PCDH10: variants seen among roughly 807,000 people sequenced by gnomAD.
PCDH10 encodes the protein protocadherin-10.
Under a neutral mutation model 74.4 loss-of-function variants are expected in PCDH10, and 15 were observed. That is an observed-to-expected ratio of 0.20 (90% CI 0.13 to 0.31). The LOEUF (loss-of-function observed/expected upper bound fraction) is 0.31, where lower values mean the gene tolerates loss of function less well. PCDH10 is among the 10% of genes least tolerant of loss of function. The pLI is 1.00. For missense variants in PCDH10, 1,260 were observed against 1,390.2 expected (o/e 0.91, Z 1.49); for synonymous variants, 619 against 589.8 (o/e 1.05, Z -0.72).
downstream of PCDH10, among the ~76,000 whole-genome samples, chr4:133,199,324 A>ATAAT (rs1553943470): frequency 2.4e-4 from 34 of 140,052 alleles, no homozygotes; most frequent in African/African-American, 3.4e-4. Flanking sequence ...AATAATAATA[A>ATAAT]TAATTAATTA....
intron 4 of PCDH10, among the ~76,000 whole-genome samples, chr4:133,178,639 A>G (rs184241639): frequency 1.3e-5 from 2 of 150,928 alleles, no homozygotes; most frequent in Non-Finnish European, 2.9e-5. Flanking sequence ...ATTTTTGCAT[A>G]GGAAACAATC....
At chr4:133,156,462 C>A (rs1471697987) in intron 3 of PCDH10, among the ~76,000 whole-genome samples, 1 of 152,240 alleles carries the variant, frequency 6.6e-6, no homozygotes, top group East Asian at 1.9e-4. Context: ...GGGAACCTGA[C>A]AACAAACCAG....
chr4:133,184,085 A>G (rs1173077245), intron 4 of PCDH10, among the ~76,000 whole-genome samples: 2 of 152,114 alleles, frequency 1.3e-5, no homozygotes, highest in Non-Finnish European at 2.9e-5. Context: ...TATTTCTCAC[A>G]TTAATGGTCT....
At chr4:133,189,903 A>G (rs1037141008) in intron 4 of PCDH10, among the ~76,000 whole-genome samples, 10 of 152,108 alleles carry the variant, frequency 6.6e-5, no homozygotes, top group Non-Finnish European at 1.2e-4. Context: ...TCTTTGGTAT[A>G]TAAAATGTAC....
chr4:133,200,233 A>G (rs1727877421), intron 2 of PCDH10, among the ~76,000 whole-genome samples: 2 of 152,084 alleles, frequency 1.3e-5, no homozygotes, highest in South Asian at 4.1e-4. Context: ...AAGTAATTTT[A>G]TAAATATATC....
At chr4:133,165,535 A>T (rs1301141770) in intron 4 of PCDH10, among the ~76,000 whole-genome samples, 2 of 151,796 alleles carry the variant, frequency 1.3e-5, no homozygotes, top group African/African-American at 2.4e-5. Context: ...TCATCTTCTA[A>T]GTCTAAAGTA....
intron 2 of PCDH10, among the ~76,000 whole-genome samples, chr4:133,207,266 G>A (rs1027936081): frequency 6.6e-6 from 1 of 151,820 alleles, no homozygotes; most frequent in South Asian, 2.1e-4. Context: ...TCATTGCATT[G>A]GTTTATTTAC....
intron 3 of PCDH10, among the ~76,000 whole-genome samples, 173 bp from the exon 4 acceptor site, chr4:133,162,804 G>T (rs1726996960): frequency 6.6e-6 from 1 of 152,132 alleles, no homozygotes; most frequent in African/African-American, 2.4e-5. Flanking sequence ...CCTTTTTAAA[G>T]TGATGAACAA....
At chr4:133,187,809 T>C (rs1727574224) in intron 4 of PCDH10, among the ~76,000 whole-genome samples, 1 of 152,136 alleles carries the variant, frequency 6.6e-6, no homozygotes, top group Admixed American at 6.6e-5. Flanking sequence ...ATTTCTTTTA[T>C]TAAAAAGAAA....
At chr4:133,186,324 GA>G (rs1727541000) in intron 4 of PCDH10, among the ~76,000 whole-genome samples, 1 of 151,960 alleles carries the variant, frequency 6.6e-6, no homozygotes, top group Non-Finnish European at 1.5e-5. Context: ...AATTAAGAAG[GA>G]ACACAGTCCT....
Position 133,152,392 on chromosome 4 carries a change from G to C in PCDH10, c.2252G>C (p.Cys751Ser), listed in dbSNP as rs562447863. ...GAGAAGAAGCTCAACATCTATACTTGTCTGGCCAGCGATTGCTGCCTCTGC... is the reference window on the plus strand; with the variant it reads ...GAGAAGAAGCTCAACATCTATACTTCTCTGGCCAGCGATTGCTGCCTCTGC... ...QKEKKLNIYT[C>S]LASDCCLCCC... Residue 751 changes from cysteine to serine, a missense_variant, in exon 1 of 5, where the codon TGT (cysteine) becomes TCT (serine). Coordinates refer to ENST00000264360, the MANE Select transcript of PCDH10 (RefSeq NM_032961.3). 2.5e-6 allele frequency: 4 copies of C among 1,614,188 alleles called. No individual in the cohort carries two copies. Among genetic ancestry groups the C allele is most frequent in the African/African-American group, 1.3e-5 (1 of 75,072 alleles).
rs1437366749 is a variant in PCDH10, at chr4:133,150,500, C to A, written c.360C>A (p.Pro120=). The A allele has an allele frequency of 1.9e-6, 3 of 1,613,178 alleles. No homozygotes were observed. Among genetic ancestry groups the A allele is most frequent in the South Asian group, 2.2e-5 (2 of 91,042 alleles). The part of the protein sequence containing the change: ...IEVLDINDNP[P]SFPEPDLTVE... ...TGCTGGACATTAATGACAACCCCCCCTCTTTCCCGGAGCCAGACCTGACGG... is the reference window on the plus strand; with the variant it reads ...TGCTGGACATTAATGACAACCCCCCATCTTTCCCGGAGCCAGACCTGACGG... Residue 120 remains proline (P), a synonymous_variant, in exon 1 of 5, where the codon CCC becomes CCA. Coordinates refer to ENST00000264360, the MANE Select transcript of PCDH10 (RefSeq NM_032961.3).
chr4:133,151,849 A>T lies in PCDH10; in HGVS notation c.1709A>T (p.Asn570Ile), dbSNP rs759146859. The T allele has an allele frequency of 6.2e-7, 1 of 1,613,074 alleles. No homozygotes were observed. Among genetic ancestry groups the T allele is most frequent in the Non-Finnish European group, 8.5e-7 (1 of 1,180,026 alleles). ...ATCCTCATAGTGGATCAAAATGACAACGCCCCTGCCATCGTGGCGCCTCTA... is the reference window on the plus strand; with the variant it reads ...ATCCTCATAGTGGATCAAAATGACATCGCCCCTGCCATCGTGGCGCCTCTA... ...VNILIVDQND[N>I]APAIVAPLPG... is the part of the protein sequence containing the mutation. Residue 570 changes from asparagine (N) to isoleucine (I), a missense_variant, in exon 1 of 5, where the codon AAC becomes ATC. Asn to Ile is a moderately radical substitution (Grantham distance 149). Around this residue, in one of 11 missense-constraint regions of PCDH10, gnomAD observed 587 missense variants for 616.9 expected, o/e 0.95. Coordinates refer to ENST00000264360, the MANE Select transcript of PCDH10 (RefSeq NM_032961.3).
chr4:133,157,908 A>G (rs1726898286), intron 3 of PCDH10, among the ~76,000 whole-genome samples: 1 of 152,154 alleles, frequency 6.6e-6, no homozygotes, highest in Non-Finnish European at 1.5e-5. Flanking sequence ...AGGCAGCTGC[A>G]CAGAGAATCA....
rs1011873570 is a variant in PCDH10 at position 133,192,112 on chromosome 4, T to A, written c.*1952T>A. ...AGTTCATATATCAAAATAATGTATG[T>A]AATGTTCCAGCCTTTTGAAGTCTCT... On this transcript the variant is annotated 3_prime_UTR_variant, in exon 5 of 5. Transcript: ENST00000264360. 6.6e-6 allele frequency: 1 copy of A among 151,630 alleles called. No homozygotes were observed. Among genetic ancestry groups the A allele is most frequent in the Non-Finnish European group, 1.5e-5 (1 of 67,654 alleles). 9.4% of individuals were successfully genotyped at this position (151,630 alleles called of 1,614,324 possible). A position where few individuals can be genotyped will look rare whatever the true frequency, so the allele number is the denominator to read the frequency against.
intron 2 of PCDH10, among the ~76,000 whole-genome samples, 193 bp from the exon 3 acceptor site, chr4:133,154,724 G>T (rs1307872875): frequency 6.6e-6 from 1 of 152,118 alleles, no homozygotes; most frequent in Non-Finnish European, 1.5e-5. Flanking sequence ...TGACTTAAGT[G>T]CTCAAAATGA....
intron 2 of PCDH10, among the ~76,000 whole-genome samples, chr4:133,201,536 G>A (rs1445501974): frequency 1.3e-5 from 2 of 152,086 alleles, no homozygotes; most frequent in African/African-American, 4.8e-5. Flanking sequence ...GGCTGGGACT[G>A]GAATTGAAAC....
In PCDH10 at chr4:133,188,665, G is replaced by GTTTTTTT. The variant is rs1167321577; in HGVS notation, c.3104-1457_3104-1451dup. Among the ~76,000 whole-genome samples the GTTTTTTT allele has an allele frequency of 1.2e-3, 90 of 74,678 alleles. 1 individual carries two copies. Among genetic ancestry groups the GTTTTTTT allele is most frequent in the Non-Finnish European group, 1.3e-3 (56 of 41,804 alleles). The allele number at this position is 74,678 out of a possible 152,430, so 49.0% of individuals were successfully genotyped here. A position where few individuals can be genotyped will look rare whatever the true frequency, so the allele number is the denominator to read the frequency against. On this transcript the variant is annotated intron_variant, in intron 4 of 4. Coordinates refer to ENST00000264360, the MANE Select transcript of PCDH10 (RefSeq NM_032961.3). The stretch of plus-strand genomic sequence containing the variant: ...TGATGATGGTGCCTGACTGCTATGG[G>GTTTTTTT]TTTTTTTTTTTTTTTTTTTTTTTTT...
chr4:133,152,351 C>T lies in PCDH10; in HGVS notation c.2211C>T (p.Ala737=). ...TCCTGCTGGCCATGATCGTGCTGGC[C>T]GTGCGTTGCCAAAAAGAGAAGAAGC... ...FIFLLAMIVL[A]VRCQKEKKLN... The change falls in exon 1 of 5, where the codon GCC becomes GCT. Residue 737 remains alanine (A), a synonymous_variant. Coordinates refer to ENST00000264360, the MANE Select transcript of PCDH10 (RefSeq NM_032961.3). 1 of 1,614,206 alleles carries T rather than the reference C, an allele frequency of 6.2e-7. No homozygotes were observed. Among genetic ancestry groups the T allele is most frequent in the Non-Finnish European group, 8.5e-7 (1 of 1,180,040 alleles).
Sources: allele counts gnomAD v4.1 joint callset (sites outside exome capture counted in the v4.1 genomes callset), GRCh38; gene constraint gnomAD v4.1.1; regional missense constraint gnomAD v4.1.1; transcripts MANE v1.5; gene names NCBI Gene and HGNC (gene_info 2026-07-23, HGNC 2026-07-21).